Variants in HMCN1 observed in about 807,000 individuals in gnomAD.
The protein encoded by HMCN1 is hemicentin-1.
A neutral mutation model predicts 625.9 loss-of-function variants in HMCN1; 321 were observed. That is an observed-to-expected ratio of 0.51 (90% CI 0.47 to 0.56). The LOEUF (loss-of-function observed/expected upper bound fraction) is 0.56, where lower values mean the gene tolerates loss of function less well. Ranked by LOEUF, HMCN1 falls within the 20% of genes least tolerant of loss-of-function variation. The pLI, the probability that HMCN1 is intolerant of heterozygous loss-of-function variation, is 0.00. For missense variants in HMCN1, 6,588 were observed against 6,887.3 expected (o/e 0.96, Z 1.54); for synonymous variants, 2,425 against 2,417.6 (o/e 1.00, Z -0.09).
At chr1:185,989,005 C>CTTTTTTTT (rs569764243) in intron 20 of HMCN1, among the ~76,000 whole-genome samples, 1 of 117,576 alleles carries the variant, frequency 8.5e-6, no homozygotes, top group Non-Finnish European at 1.7e-5. Context: ...ACTTTTAGTA[C>CTTTTTTTT]TTTTTTTTTT....
intron 11 of HMCN1, among the ~76,000 whole-genome samples, chr1:185,938,039 A>G (rs2102505132): frequency 6.6e-6 from 1 of 151,924 alleles, no homozygotes; most frequent in Admixed American, 6.6e-5. Context: ...TATATAAAAA[A>G]TCATGGATGT....
chr1:186,120,832 C>T (rs2102490043), intron 80 of HMCN1, among the ~76,000 whole-genome samples: 1 of 152,330 alleles, frequency 6.6e-6, no homozygotes, highest in East Asian at 1.9e-4. Flanking sequence ...ACATTACAGA[C>T]ATGATCCTTC....
At chr1:185,736,716 T>C (rs1653601617) in intron 1 of HMCN1, among the ~76,000 whole-genome samples, 1 of 152,232 alleles carries the variant, frequency 6.6e-6, no homozygotes, top group Non-Finnish European at 1.5e-5. Flanking sequence ...TGCCTTTCAA[T>C]TGTTACCAAA....
intron 4 of HMCN1, among the ~76,000 whole-genome samples, chr1:185,888,992 C>A (rs1007237375): frequency 4.8e-5 from 7 of 145,706 alleles, no homozygotes; most frequent in African/African-American, 1.4e-4. Context: ...CCTTGAGCAG[C>A]GGTTTGTAGT....
chr1:186,066,667 T>A (rs1280764794), intron 49 of HMCN1, among the ~76,000 whole-genome samples: 1 of 152,154 alleles, frequency 6.6e-6, no homozygotes, highest in Non-Finnish European at 1.5e-5. Context: ...CCAGCAAATA[T>A]CTTGCAGTCC....
intron 1 of HMCN1, among the ~76,000 whole-genome samples, chr1:185,806,403 G>A (rs1435422369): frequency 6.6e-6 from 1 of 151,936 alleles, no homozygotes; most frequent in African/African-American, 2.4e-5. Context: ...AACAAATGCT[G>A]GACTTGGTGG....
At chr1:186,178,866 T>C (rs1652764709) in intron 104 of HMCN1, 100 bp downstream of exon 104, 3 of 859,674 alleles carry the variant, frequency 3.5e-6, no homozygotes, top group Non-Finnish European at 4.0e-6. Flanking sequence ...GAACTACATC[T>C]GATCTCAAGT....
At chr1:186,162,083 C>T (rs780803466) in intron 97 of HMCN1, among the ~76,000 whole-genome samples, 3 of 152,180 alleles carry the variant, frequency 2.0e-5, no homozygotes, top group African/African-American at 4.8e-5. Flanking sequence ...GGTCTTTACA[C>T]GTAGTCCCAT....
intron 1 of HMCN1, among the ~76,000 whole-genome samples, chr1:185,801,380 G>A (rs761520828): frequency 4.6e-5 from 7 of 152,132 alleles, no homozygotes; most frequent in Non-Finnish European, 8.8e-5. Context: ...ACTGCAGGTT[G>A]TTCTAACGGT....
chr1:185,866,397 A>T (rs1335434999), intron 4 of HMCN1, among the ~76,000 whole-genome samples: 4 of 102,578 alleles, frequency 3.9e-5, no homozygotes, highest in East Asian at 2.7e-4. Flanking sequence ...GTTTGTCATA[A>T]TTTTTTTTTT....
intron 42 of HMCN1, among the ~76,000 whole-genome samples, chr1:186,051,013 G>A (rs571902995): frequency 6.6e-6 from 1 of 152,050 alleles, no homozygotes; most frequent in South Asian, 2.1e-4. Context: ...CTGTGAAGAG[G>A]GTAAAAGCAA....
chr1:185,925,039 T>C lies in HMCN1; in HGVS notation c.1286-8T>C, dbSNP rs1172279003. 1.3e-6 allele frequency: 2 copies of C among 1,599,190 alleles called. No homozygotes were observed. The highest frequency in any genetic ancestry group is 2.7e-5 in the African/African-American group (2 of 74,568). On this transcript the variant is annotated splice_polypyrimidine_tract_variant and splice_region_variant and intron_variant, in intron 8 of 106. Coordinates refer to ENST00000271588, the MANE Select transcript of HMCN1 (RefSeq NM_031935.3). Reference sequence around the variant, plus strand: ...GTTTTTTGTTTTTGTTTTTGTTTTTTTTCCTAGATGCTCCCAAAGTTACGA... The same window carrying C: ...GTTTTTTGTTTTTGTTTTTGTTTTTCTTCCTAGATGCTCCCAAAGTTACGA...
chr1:186,023,217 T>C, intron 36 of HMCN1, 64 bp downstream of exon 36: 3 of 1,394,772 alleles, frequency 2.2e-6, no homozygotes, highest in Non-Finnish European at 3.0e-6. Flanking sequence ...CATAGTGGGC[T>C]CATTTTTATT....
rs747160146 is a variant in HMCN1, at chr1:186,067,996, G to A, written c.7868G>A (p.Arg2623His). Residue 2623 changes from arginine to histidine, a missense_variant, in exon 50 of 107, where the codon CGT (arginine) becomes CAT (histidine). By Grantham distance (29) the Arg-to-His change is conservative. This residue lies in a region of HMCN1 where 4,628 missense variants were observed against 4,853.1 expected (regional missense o/e 0.95). Transcript: ENST00000271588. ...CCTTTAGAATCTAACCGAAATATTC[G>A]TATTCTTCCAGGTAATTCATTTGCT... is the stretch of plus-strand genomic sequence containing the variant. Reference protein sequence around the residue: ...GTPLESNRNIRILPGGRTLQI... With the variant: ...GTPLESNRNIHILPGGRTLQI... 25 of 1,612,858 alleles carry A rather than the reference G, an allele frequency of 1.6e-5. No homozygotes were observed. The Admixed American group carries it at 2.2e-4, about 14-fold the overall frequency.
chr1:185,970,977 C>T (rs921003254), intron 15 of HMCN1, among the ~76,000 whole-genome samples: 41 of 151,932 alleles, frequency 2.7e-4, no homozygotes, highest in African/African-American at 9.2e-4. Context: ...AGGTACCGTT[C>T]GCTGTGTCAA....
In HMCN1 at chr1:186,019,840, A is replaced by C. The variant is rs996024021; in HGVS notation, c.5625+145A>C. On this transcript the variant is annotated intron_variant, in intron 35 of 106. Coordinates refer to ENST00000271588, the MANE Select transcript of HMCN1 (RefSeq NM_031935.3). ...TAAAAATAATATGCATTTTTCTTAGAGTTTTTAAGAATTTAACAATATTTT... is the reference window on the plus strand; with the variant it reads ...TAAAAATAATATGCATTTTTCTTAGCGTTTTTAAGAATTTAACAATATTTT... 4.9e-6 allele frequency: 3 copies of C among 615,254 alleles called. No individual in the cohort carries two copies. The Admixed American group carries it at 9.9e-5, about 20-fold the overall frequency. 38.1% of individuals were successfully genotyped at this position (615,254 alleles called of 1,614,324 possible).
At chr1:186,133,453 C>A (rs974896497) in intron 86 of HMCN1, among the ~76,000 whole-genome samples, 3 of 152,106 alleles carry the variant, frequency 2.0e-5, no homozygotes, top group South Asian at 2.1e-4. Flanking sequence ...CATCGGAAAA[C>A]AGAGCATCCA....
At chr1:185,928,807 T>C (rs1314691923) in intron 10 of HMCN1, 140 bp downstream of exon 10, 54 of 911,254 alleles carry the variant, frequency 5.9e-5, no homozygotes, top group Non-Finnish European at 9.1e-5. Context: ...AATTGAGAAC[T>C]CAAATCCTGT....
intron 103 of HMCN1, among the ~76,000 whole-genome samples, chr1:186,176,661 G>C (rs148289258): frequency 4.6e-5 from 7 of 152,186 alleles, no homozygotes; most frequent in Non-Finnish European, 1.0e-4. Context: ...CTCTGTCCTC[G>C]TGGAGTTTAC....
Sources: gnomAD v4.1 joint callset for allele counts (sites outside exome capture counted in the v4.1 genomes callset) on GRCh38, gnomAD v4.1.1 for gene constraint, gnomAD v4.1.1 regional missense constraint, MANE v1.5 for transcripts, NCBI Gene and HGNC (gene_info 2026-07-23, HGNC 2026-07-21) for gene names.